CEP72: variants seen among roughly 807,000 people sequenced by gnomAD.
CEP72 encodes centrosomal protein 72, also known as centrosomal protein of 72 kDa.
In CEP72, 78 loss-of-function variants were observed where a neutral mutation model predicts 65.7. The ratio of observed to expected loss-of-function variants is 1.19; its 90% confidence interval spans 0.99 to 1.43. The LOEUF (loss-of-function observed/expected upper bound fraction) is 1.43. CEP72 is among the 40% of genes most tolerant of loss of function. The probability of loss-of-function intolerance (pLI) is 0.00; values close to 1 mark genes in which losing one functional copy is unlikely to be tolerated. For synonymous variants in CEP72, 358 were observed against 351.7 expected, an observed-to-expected ratio of 1.02 and a Z score of -0.20; for missense variants, 914 against 832.9, an observed-to-expected ratio of 1.10 and a Z score of -1.20.
chr5:650,296 T>TG (rs548503390), intron 11 of CEP72, among the ~76,000 whole-genome samples: 6 of 83,434 alleles, frequency 7.2e-5, no homozygotes, highest in Admixed American at 1.4e-4. Context: ...CTGTGAGGTG[T>TG]GACTGTGAGG....
intron 7 of CEP72, among the ~76,000 whole-genome samples, chr5:638,384 C>A (rs982968492): frequency 1.3e-5 from 2 of 152,092 alleles, no homozygotes; most frequent in African/African-American, 4.8e-5. Flanking sequence ...TTGAGACACA[C>A]CTGCTGTAGA....
chr5:628,633 G>GTTCCCAGGACCCA (rs1736952051), intron 4 of CEP72, among the ~76,000 whole-genome samples: 2 of 119,116 alleles, frequency 1.7e-5, no homozygotes, highest in African/African-American at 2.8e-5. Flanking sequence ...CCCGGGGAGT[G>GTTCCCAGGACCCA]GCCCCAGGAC....
rs544735470 is a variant in CEP72, at chr5:627,231, G to C, written c.512+2652G>C. Among the ~76,000 whole-genome samples, 7 of 152,292 alleles carry C rather than the reference G, an allele frequency of 4.6e-5. No homozygotes were observed. In the South Asian group the frequency reaches 1.4e-3, roughly 32 times the overall value. On this transcript the variant is annotated intron_variant, in intron 4 of 11. Transcript: ENST00000264935. The stretch of plus-strand genomic sequence containing the variant: ...GATTGTTTCTTTCAAGGAATTGGTC[G>C]TCTCATCTGAGTTGTCACGTTGGTG...
At chr5:621,232 C>T (rs1048622773) in intron 3 of CEP72, among the ~76,000 whole-genome samples, 2 of 152,198 alleles carry the variant, frequency 1.3e-5, no homozygotes, top group Non-Finnish European at 2.9e-5. Context: ...GCTGCCCCTC[C>T]TTCTGAACCT....
downstream of CEP72, among the ~76,000 whole-genome samples, chr5:667,645 T>TG (rs1180353959): frequency 6.6e-6 from 1 of 152,118 alleles, no homozygotes; most frequent in African/African-American, 2.4e-5. Flanking sequence ...CTAGGAGACA[T>TG]GCCTGAGAAA....
chr5:673,827 G>C, the CEP72 span, among the ~76,000 whole-genome samples: 1 of 152,180 alleles, frequency 6.6e-6, no homozygotes, highest in Non-Finnish European at 1.5e-5. Context: ...GGGCTCCTCC[G>C]GCCTCCTGGG....
chr5:620,162 G>A lies in CEP72; in HGVS notation c.304G>A (p.Glu102Lys), dbSNP rs1312838022. The part of the protein sequence containing the change: ...AEVFRLHALT[E>K]LVDVDFRLNP... ...AGTGTTTCGGCTCCACGCCTTAACC[G>A]AGCTCGTGGATGTGGACTTCCGGCT... The change falls in exon 3 of 12, where the codon GAG becomes AAG. Residue 102 changes from glutamate (E) to lysine (K), a missense_variant. Physicochemically the swap from Glu to Lys is moderately conservative, Grantham distance 56. Coordinates refer to ENST00000264935, the MANE Select transcript of CEP72 (RefSeq NM_018140.4). The A allele has an allele frequency of 6.2e-6, 10 of 1,613,990 alleles. No homozygotes were observed. The East Asian group carries it at 8.9e-5, about 14-fold the overall frequency.
intron 8 of CEP72, 74 bp from the exon 9 acceptor site, chr5:640,334 A>T: frequency 1.3e-6 from 2 of 1,557,724 alleles, no homozygotes; most frequent in South Asian, 2.5e-5. Flanking sequence ...GATTCAAAAC[A>T]TACTGAGCCG....
downstream of CEP72, among the ~76,000 whole-genome samples, chr5:658,738 G>A (rs1346420470): frequency 8.9e-5 from 11 of 124,060 alleles, no homozygotes; most frequent in Non-Finnish European, 1.6e-4. Context: ...GCGTGATCTC[G>A]GCTCACTGCA....
At chr5:640,233 G>C (rs1003940796) in intron 8 of CEP72, among the ~76,000 whole-genome samples, 175 bp from the exon 9 acceptor site, 3 of 152,206 alleles carry the variant, frequency 2.0e-5, no homozygotes, top group African/African-American at 7.2e-5. Flanking sequence ...CCCTGCCCGT[G>C]TGTGGACGCA....
rs1214101671 is a variant in CEP72 at position 640,451 on chromosome 5, A to T, written c.1386A>T (p.Ala462=). 1 of 1,614,170 alleles carries T rather than the reference A, an allele frequency of 6.2e-7. No individual in the cohort carries two copies. The highest frequency in any genetic ancestry group is 2.2e-5 in the East Asian group (1 of 44,882). Residue 462 remains alanine (A), a synonymous_variant, in exon 9 of 12, where the codon GCA becomes GCT. Coordinates refer to ENST00000264935, the MANE Select transcript of CEP72 (RefSeq NM_018140.4). ...TGTCATCTGTTGAAGAATTCACAGC[A>T]GCTCAGGACAGCTCTGCGATGGTGG... ...HILSSVEEFT[A]AQDSSAMVGE... is the part of the protein sequence containing the mutation.
At chr5:647,187 C>T (rs1350747086) in intron 10 of CEP72, among the ~76,000 whole-genome samples, 1 of 152,242 alleles carries the variant, frequency 6.6e-6, no homozygotes. Flanking sequence ...CTCTGGCTTT[C>T]TCACTGCCTC....
intron 5 of CEP72, 129 bp downstream of exon 5, chr5:634,076 G>A: frequency 1.3e-6 from 1 of 771,412 alleles, no homozygotes; most frequent in Non-Finnish European, 2.0e-6. Context: ...TCTTCATGAT[G>A]TGTCTTTGTG....
At chr5:633,745 T>C (rs1296171481) in intron 4 of CEP72, 24 bp from the exon 5 acceptor site, 5 of 1,611,766 alleles carry the variant, frequency 3.1e-6, no homozygotes, top group Non-Finnish European at 1.7e-6. Context: ...TGAGTGATGC[T>C]GATGAGTTTG....
At position 640,529 on chromosome 5, in the gene CEP72, T is replaced by C. The variant is rs1737939937; in HGVS notation, c.1464T>C (p.Leu488=). Residue 488 remains leucine, a synonymous_variant, in exon 9 of 12, where the codon CTT becomes CTC. Transcript: ENST00000264935. ...AGAGTAAGTCCCTGCAAAGCCGCCT[T>C]GCTGAGCAGCAGCAGCAGCACGCCC... The part of the protein sequence containing the change: ...ALESKSLQSR[L]AEQQQQHARE... 5 of 1,614,040 alleles carry C rather than the reference T, an allele frequency of 3.1e-6. No individual in the cohort carries two copies. In the South Asian group the frequency reaches 5.5e-5, roughly 18 times the overall value.
At position 642,872 on chromosome 5, in the gene CEP72, C is replaced by CAGAG; in HGVS notation, c.1540-1427_1540-1426insAGAG. 3 of 985,484 alleles carry CAGAG rather than the reference C, an allele frequency of 3.0e-6. No homozygotes were observed. In the African/African-American group the frequency reaches 5.2e-5, roughly 17 times the overall value. 61.0% of individuals were successfully genotyped at this position (985,484 alleles called of 1,614,324 possible). ...CCAAGTTTACTCTGCCACGTGAGGA[C>CAGAG]GCTCATCCCTCGGTCACATGAACCT... On this transcript the variant is annotated intron_variant, in intron 9 of 11. Transcript: ENST00000264935.
At chr5:676,088 C>T in the CEP72 span, 1 of 152,222 alleles carries the variant, frequency 6.6e-6, no homozygotes, top group Non-Finnish European at 1.5e-5. Flanking sequence ...CTGCCGTCCC[C>T]TAGAGCTGGG....
intron 9 of CEP72, chr5:641,142 C>CAG (rs1737990094): frequency 1.0e-6 from 1 of 984,174 alleles, no homozygotes; most frequent in African/African-American, 1.8e-5. Context: ...GCCGCCGTCT[C>CAG]ATCTGAGGCC....
intron 4 of CEP72, among the ~76,000 whole-genome samples, chr5:625,821 T>TCTC (rs1364063206): frequency 6.6e-6 from 1 of 152,046 alleles, no homozygotes; most frequent in Admixed American, 6.6e-5. Context: ...CCAGCCCTGC[T>TCTC]CTCACAGGCC....
Sources: allele counts gnomAD v4.1 joint callset (sites outside exome capture counted in the v4.1 genomes callset), GRCh38; gene constraint gnomAD v4.1.1; transcripts MANE v1.5; gene names NCBI Gene and HGNC (gene_info 2026-07-23, HGNC 2026-07-21).